WDFY4: variants seen among roughly 807,000 people sequenced by gnomAD.
WDFY4 encodes WDFY family member 4, also known as WD repeat- and FYVE domain-containing protein 4.
Under a neutral mutation model 351.9 loss-of-function variants are expected in WDFY4, and 169 were observed. The observed-to-expected ratio is 0.48, with a 90% CI of 0.42 to 0.55. The LOEUF (loss-of-function observed/expected upper bound fraction) is 0.55. WDFY4 is among the 20% of genes least tolerant of loss of function. The probability of loss-of-function intolerance (pLI) is 0.00; values close to 1 mark genes in which losing one functional copy is unlikely to be tolerated. For missense variants in WDFY4, 3,803 were observed against 3,935.6 expected (o/e 0.97, Z 0.90); for synonymous variants, 1,622 against 1,574.6 (o/e 1.03, Z -0.71).
chr10:48,694,229 G>T (rs1308782139), intron 1 of WDFY4, among the ~76,000 whole-genome samples: 1 of 152,106 alleles, frequency 6.6e-6, no homozygotes, highest in Non-Finnish European at 1.5e-5. Context: ...GAATCAGATG[G>T]GGGCTGCTCA....
intron 43 of WDFY4, among the ~76,000 whole-genome samples, chr10:48,879,794 C>T (rs1381309410): frequency 1.3e-5 from 2 of 152,158 alleles, no homozygotes; most frequent in African/African-American, 2.4e-5. Flanking sequence ...GTGCCCACCT[C>T]CCTTACCCTG....
At chr10:48,838,529 G>C (rs547857188) in intron 39 of WDFY4, among the ~76,000 whole-genome samples, 1 of 152,086 alleles carries the variant, frequency 6.6e-6, no homozygotes, top group South Asian at 2.1e-4. Context: ...TGATGTTTTT[G>C]ACTATCCCCT....
intron 32 of WDFY4, among the ~76,000 whole-genome samples, chr10:48,818,857 G>A (rs2067711336): frequency 6.6e-6 from 1 of 152,246 alleles, no homozygotes; most frequent in African/African-American, 2.4e-5. Context: ...TTGCAGGAGA[G>A]AGGTGGGATA....
chr10:48,981,882 G>A (rs1402641950), intron 61 of WDFY4, among the ~76,000 whole-genome samples: 2 of 152,212 alleles, frequency 1.3e-5, no homozygotes, highest in African/African-American at 4.8e-5. Context: ...GCTCTTAGCT[G>A]CTGTAGCATA....
At chr10:48,898,262 G>A (rs1837188009) in intron 45 of WDFY4, among the ~76,000 whole-genome samples, 1 of 152,198 alleles carries the variant, frequency 6.6e-6, no homozygotes, top group Non-Finnish European at 1.5e-5. Context: ...CACCTGAGCA[G>A]CAAAGGGAGT....
chr10:48,874,766 C>T (rs553238996), intron 41 of WDFY4, among the ~76,000 whole-genome samples: 4 of 152,294 alleles, frequency 2.6e-5, no homozygotes, highest in Admixed American at 2.0e-4. Context: ...CTGGAACCTC[C>T]CCTGGTCCCC....
chr10:48,787,578 G>A (rs549664327), intron 20 of WDFY4, among the ~76,000 whole-genome samples: 18 of 152,336 alleles, frequency 1.2e-4, no homozygotes, highest in Admixed American at 5.2e-4. Flanking sequence ...GGTGTTTGCC[G>A]TGGCTGTGCA....
chr10:48,829,079 T>C (rs2068104045), intron 37 of WDFY4, among the ~76,000 whole-genome samples, 183 bp downstream of exon 37: 1 of 152,146 alleles, frequency 6.6e-6, no homozygotes, highest in South Asian at 2.1e-4. Context: ...TAATCATGTA[T>C]TAGTATATAG....
chr10:48,919,461 GA>G (rs1298407579), intron 47 of WDFY4, among the ~76,000 whole-genome samples: 1 of 152,176 alleles, frequency 6.6e-6, no homozygotes, highest in East Asian at 1.9e-4. Flanking sequence ...AACATTTAAA[GA>G]AGACTGTCTT....
chr10:48,908,285 G>A (rs1263754192), intron 47 of WDFY4, among the ~76,000 whole-genome samples: 3 of 152,210 alleles, frequency 2.0e-5, no homozygotes, highest in Non-Finnish European at 4.4e-5. Context: ...CAAATGCCCA[G>A]GAATGCTGAT....
At chr10:48,788,472 G>A in intron 20 of WDFY4, 58 bp from the exon 21 acceptor site, 1 of 1,516,194 alleles carries the variant, frequency 6.6e-7, no homozygotes, top group South Asian at 1.2e-5. Flanking sequence ...ATTGTATGAG[G>A]ATTAATTTCC....
At chr10:48,937,926 C>T (rs1219643172) in intron 47 of WDFY4, among the ~76,000 whole-genome samples, 1 of 152,148 alleles carries the variant, frequency 6.6e-6, no homozygotes, top group Non-Finnish European at 1.5e-5. Context: ...ACACTCTACC[C>T]CTGCCACACT....
In WDFY4 at chr10:48,820,451, G is replaced by T; in HGVS notation, c.5709+14G>T. 1 of 1,550,322 alleles carries T rather than the reference G, an allele frequency of 6.5e-7. No individual in the cohort carries two copies. Among genetic ancestry groups the T allele is most frequent in the Non-Finnish European group, 8.7e-7 (1 of 1,146,254 alleles). ...GTGCTCCTGGAGGTGGGTTGGAAAA[G>T]GTGACATTGGGCCATGTGCTGTGGA... On this transcript the variant is annotated intron_variant, in intron 33 of 61. Coordinates refer to ENST00000325239, the MANE Select transcript of WDFY4 (RefSeq NM_001394531.1).
intron 55 of WDFY4, chr10:48,968,556 A>T (rs752864021): frequency 6.4e-6 from 1 of 155,168 alleles, no homozygotes; most frequent in Admixed American, 6.3e-5. Context: ...CGTGGTGGGT[A>T]TGGTGTGCAC....
intron 61 of WDFY4, among the ~76,000 whole-genome samples, chr10:48,981,732 A>G (rs1165234947): frequency 6.6e-6 from 1 of 152,206 alleles, no homozygotes; most frequent in African/African-American, 2.4e-5. Flanking sequence ...ATATCCAAAC[A>G]TTCATTAAGA....
At chr10:48,876,432 A>G (rs1003595633) in intron 42 of WDFY4, among the ~76,000 whole-genome samples, 1 of 152,210 alleles carries the variant, frequency 6.6e-6, no homozygotes, top group Non-Finnish European at 1.5e-5. Context: ...CCATTTGTCA[A>G]GTGAGGATGA....
chr10:48,887,085 C>A (rs987510761), intron 43 of WDFY4, among the ~76,000 whole-genome samples: 3 of 152,206 alleles, frequency 2.0e-5, no homozygotes, highest in Non-Finnish European at 2.9e-5. Flanking sequence ...CAGCTCTCAC[C>A]AGACATTTTT....
chr10:48,903,290 A>G (rs745980951), intron 47 of WDFY4, among the ~76,000 whole-genome samples: 1 of 152,140 alleles, frequency 6.6e-6, no homozygotes, highest in Non-Finnish European at 1.5e-5. Context: ...TTTATTCCAA[A>G]TAGATGGGAA....
At chr10:48,916,512 T>TG (rs745756180) in intron 47 of WDFY4, among the ~76,000 whole-genome samples, 100 of 152,132 alleles carry the variant, frequency 6.6e-4, no homozygotes, top group Non-Finnish European at 9.3e-4. Flanking sequence ...TCCTCAGAGC[T>TG]GGGGGGTTGC....
Sources: gnomAD v4.1 joint callset for allele counts (sites outside exome capture counted in the v4.1 genomes callset) on GRCh38, gnomAD v4.1.1 for gene constraint, MANE v1.5 for transcripts, NCBI Gene and HGNC (gene_info 2026-07-23, HGNC 2026-07-21) for gene names.